KCNH1: variants seen among roughly 807,000 people sequenced by gnomAD.
The protein encoded by KCNH1 is voltage-gated delayed rectifier potassium channel KCNH1.
KCNH1 carries 27 observed loss-of-function variants against 69.2 expected under a neutral mutation model. That is an observed-to-expected ratio of 0.39 (90% CI 0.29 to 0.54). The LOEUF (loss-of-function observed/expected upper bound fraction) is 0.54. Ranked by LOEUF, KCNH1 falls within the 20% of genes least tolerant of loss-of-function variation. KCNH1 has a pLI of 0.68. For missense variants in KCNH1, 798 were observed against 1,261.6 expected, an observed-to-expected ratio of 0.63 and a Z score of 5.57; for synonymous variants, 456 against 487.7, an observed-to-expected ratio of 0.93 and a Z score of 0.86.
chr1:210,683,198 G>C lies in KCNH1; in HGVS notation c.*83C>G. 1 of 1,335,142 alleles carries C rather than the reference G, an allele frequency of 7.5e-7. No homozygotes were observed. Among genetic ancestry groups the C allele is most frequent in the Non-Finnish European group, 1.0e-6 (1 of 974,260 alleles). The allele number at this position is 1,335,142 out of a possible 1,614,324, so 82.7% of individuals were successfully genotyped here. A position where few individuals can be genotyped will look rare whatever the true frequency, so the allele number is the denominator to read the frequency against. ...GGAAAAGCCTACTTGAAAATTGTTGGTCATGTGGACATATGTGGTAGGGGT... is the reference window on the plus strand; with the variant it reads ...GGAAAAGCCTACTTGAAAATTGTTGCTCATGTGGACATATGTGGTAGGGGT... On this transcript the variant is annotated 3_prime_UTR_variant, in exon 11 of 11. Coordinates refer to ENST00000271751, the MANE Select transcript of KCNH1 (RefSeq NM_172362.3). The surrounding 1 kb of genome is among the most constrained non-coding windows in gnomAD (Gnocchi z 5.7).
chr1:211,108,642 G>T (rs1691404354), intron 1 of KCNH1: 2 of 152,174 alleles, frequency 1.3e-5, no homozygotes, highest in East Asian at 1.9e-4. Context: ...AGGAGATAAG[G>T]GTTGTGGTGA....
At chr1:210,911,102 T>C (rs188015052) in intron 7 of KCNH1, among the ~76,000 whole-genome samples, 26 of 152,328 alleles carry the variant, frequency 1.7e-4, no homozygotes, top group African/African-American at 6.0e-4. Context: ...CTGTGGACCA[T>C]GGATTGGCTC....
In KCNH1 at chr1:211,133,185, T is replaced by G. The variant is rs1298183638; in HGVS notation, c.79+682A>C. ...GAAGAGGGGAAATATAACAGGTTTG[T>G]ACCTGTGACCATTTAGTTCGCTCTG... On this transcript the variant is annotated intron_variant, in intron 1 of 10. Transcript: ENST00000271751. The surrounding 1 kb of genome is among the most constrained non-coding windows in gnomAD (Gnocchi z 5.4). 1 of 152,222 alleles carries G rather than the reference T, an allele frequency of 6.6e-6. No homozygotes were observed. The highest frequency in any genetic ancestry group is 2.4e-5 in the African/African-American group (1 of 41,440). 9.4% of individuals were successfully genotyped at this position (152,222 alleles called of 1,614,324 possible).
At chr1:211,015,089 G>A (rs1689468946) in intron 6 of KCNH1, among the ~76,000 whole-genome samples, 1 of 152,132 alleles carries the variant, frequency 6.6e-6, no homozygotes, top group Non-Finnish European at 1.5e-5. Context: ...TGCTGGGTCT[G>A]TCCCTTGGCA....
At chr1:210,811,184 C>T (rs1684694076) in intron 7 of KCNH1, among the ~76,000 whole-genome samples, 1 of 152,188 alleles carries the variant, frequency 6.6e-6, no homozygotes, top group Non-Finnish European at 1.5e-5. Flanking sequence ...CAGAGACTAC[C>T]TCTAAAGAAT....
chr1:210,787,328 A>G (rs1684123889), intron 9 of KCNH1, among the ~76,000 whole-genome samples: 1 of 152,140 alleles, frequency 6.6e-6, no homozygotes, highest in Admixed American at 6.5e-5. Flanking sequence ...TTGACTTCTC[A>G]TAGCCGCTGG....
rs199988550 is a variant in KCNH1, at chr1:210,859,945, T to C, written c.1463-55779A>G. 171 of 1,564,646 alleles carry C rather than the reference T, an allele frequency of 1.1e-4. 1 individual carries two copies. Among genetic ancestry groups the C allele is most frequent in the South Asian group, 4.1e-4 (37 of 89,782 alleles). ...GCAATTGCAACTTGCATACCCATAG[T>C]TCAAAGTTCACTTGTCTTAACCTCT... On this transcript the variant is annotated intron_variant, in intron 7 of 10. Transcript: ENST00000271751.
At chr1:210,997,069 G>C (rs1249593400) in intron 6 of KCNH1, among the ~76,000 whole-genome samples, 2 of 152,170 alleles carry the variant, frequency 1.3e-5, no homozygotes, top group African/African-American at 2.4e-5. Context: ...GGAAAAAATA[G>C]AGCAGAAAAA....
chr1:210,956,171 A>G (rs1430312771), intron 6 of KCNH1, among the ~76,000 whole-genome samples: 1 of 151,980 alleles, frequency 6.6e-6, no homozygotes. Context: ...CGTGTGGTTT[A>G]TGTCGTTGGT....
chr1:210,719,086 G>T (rs563840542), intron 10 of KCNH1, among the ~76,000 whole-genome samples: 1 of 152,238 alleles, frequency 6.6e-6, no homozygotes, highest in East Asian at 1.9e-4. Context: ...ACGTGTGGCC[G>T]TTTAAATTAA....
chr1:210,888,641 A>G (rs1686675270), intron 7 of KCNH1, among the ~76,000 whole-genome samples: 2 of 152,204 alleles, frequency 1.3e-5, no homozygotes, highest in Non-Finnish European at 2.9e-5. Flanking sequence ...TGAAAAGATT[A>G]ACAAAATAGA....
At chr1:211,091,387 G>A (rs552018313) in intron 3 of KCNH1, among the ~76,000 whole-genome samples, 10 of 151,912 alleles carry the variant, frequency 6.6e-5, no homozygotes, top group East Asian at 1.9e-4. Flanking sequence ...GGGTGCTCTC[G>A]AACTCTCAAC....
intron 10 of KCNH1, 55 bp from the exon 11 acceptor site, chr1:210,684,193 GC>G: frequency 6.8e-7 from 1 of 1,471,038 alleles, no homozygotes; most frequent in Middle Eastern, 2.3e-4. Flanking sequence ...GCTGGCTGCA[GC>G]AGCCCAGCTC....
intron 10 of KCNH1, among the ~76,000 whole-genome samples, chr1:210,705,467 T>A (rs1462923198): frequency 6.6e-6 from 1 of 151,966 alleles, no homozygotes; most frequent in Non-Finnish European, 1.5e-5. Context: ...AGTGATAGAG[T>A]CTTGGGGCTG....
chr1:210,961,627 G>T (rs1011778594), intron 6 of KCNH1, among the ~76,000 whole-genome samples: 12 of 152,076 alleles, frequency 7.9e-5, no homozygotes, highest in Non-Finnish European at 1.3e-4. Context: ...GATCACCTGA[G>T]GTCGGGAGTT....
intron 10 of KCNH1, among the ~76,000 whole-genome samples, chr1:210,769,289 T>C (rs1284664625): frequency 1.3e-5 from 2 of 152,218 alleles, no homozygotes; most frequent in Non-Finnish European, 2.9e-5. Flanking sequence ...TGAGCAGAGC[T>C]TTCTCCAAGC....
intron 6 of KCNH1, among the ~76,000 whole-genome samples, chr1:210,944,124 G>A (rs569956544): frequency 9.0e-4 from 137 of 152,272 alleles, no homozygotes; most frequent in African/African-American, 3.2e-3. Context: ...GGCCTAGCTC[G>A]GGTCACTCTG....
chr1:210,797,358 G>T, intron 9 of KCNH1, 150 bp downstream of exon 9: 1 of 862,196 alleles, frequency 1.2e-6, no homozygotes, highest in Non-Finnish European at 1.9e-6. Flanking sequence ...ACAGGCTCTC[G>T]CCGTTTGATT....
intron 7 of KCNH1, among the ~76,000 whole-genome samples, chr1:210,850,351 A>T (rs753500697): frequency 5.1e-4 from 78 of 151,774 alleles, no homozygotes; most frequent in South Asian, 1.7e-3. Flanking sequence ...AAAAAAAAAT[A>T]CCAAAAAAAA....
Sources: allele counts gnomAD v4.1 joint callset (sites outside exome capture counted in the v4.1 genomes callset), GRCh38; gene constraint gnomAD v4.1.1; non-coding constraint Gnocchi (gnomAD v3.1); transcripts MANE v1.5; gene names NCBI Gene and HGNC (gene_info 2026-07-23, HGNC 2026-07-21).